Variants in NFATC3 observed in about 807,000 individuals in gnomAD.
NFATC3 encodes the protein nuclear factor of activated T cells 3.
In NFATC3, 46 loss-of-function variants were observed where a neutral mutation model predicts 98.6. That is an observed-to-expected ratio of 0.47 (90% CI 0.37 to 0.60). The LOEUF (loss-of-function observed/expected upper bound fraction) is 0.60. NFATC3 is among the 20% of genes least tolerant of loss of function. NFATC3 has a pLI of 0.00. For synonymous variants in NFATC3, 512 were observed against 472.2 expected, an observed-to-expected ratio of 1.08 and a Z score of -1.09; for missense variants, 1,256 against 1,295.5, an observed-to-expected ratio of 0.97 and a Z score of 0.47.
chr16:68,156,829 C>T (rs2038643587), intron 3 of NFATC3, among the ~76,000 whole-genome samples: 1 of 151,994 alleles, frequency 6.6e-6, no homozygotes, highest in African/African-American at 2.4e-5. Context: ...ATCCCAGCTA[C>T]TCGGGAGGCT....
At chr16:68,224,759 C>G (rs1239892396) in intron 9 of NFATC3, 1 of 151,830 alleles carries the variant, frequency 6.6e-6, no homozygotes, top group Non-Finnish European at 1.5e-5. Flanking sequence ...CTGTGTAAAC[C>G]AGAAAAAGAT....
chr16:68,163,904 C>T (rs919341894), intron 4 of NFATC3, among the ~76,000 whole-genome samples: 13 of 151,246 alleles, frequency 8.6e-5, no homozygotes, highest in Non-Finnish European at 1.8e-4. Flanking sequence ...CAGAGACGCT[C>T]CTCACTTTCC....
At chr16:68,107,549 G>A (rs1454630518) in intron 1 of NFATC3, among the ~76,000 whole-genome samples, 4 of 151,964 alleles carry the variant, frequency 2.6e-5, no homozygotes, top group Admixed American at 2.0e-4. Flanking sequence ...ATGATGAAAC[G>A]TCATCTCTAC....
At chr16:68,214,995 A>G (rs940322612) in intron 9 of NFATC3, among the ~76,000 whole-genome samples, 3 of 152,204 alleles carry the variant, frequency 2.0e-5, no homozygotes, top group African/African-American at 7.2e-5. Flanking sequence ...AGGAGGAACG[A>G]AGCTGTTCCT....
At chr16:68,209,873 A>C (rs1370600131) in intron 9 of NFATC3, 7 of 267,354 alleles carry the variant, frequency 2.6e-5, no homozygotes. Context: ...ACACACTCAC[A>C]GTCACACTCA....
chr16:68,141,124 G>T (rs942515468), intron 3 of NFATC3, among the ~76,000 whole-genome samples: 2 of 152,142 alleles, frequency 1.3e-5, no homozygotes, highest in East Asian at 1.9e-4. Flanking sequence ...CCAAGTTGCT[G>T]CAAAAGACAT....
intron 1 of NFATC3, among the ~76,000 whole-genome samples, chr16:68,090,193 GT>G (rs770085664): frequency 3.2e-4 from 49 of 151,660 alleles, no homozygotes; most frequent in Non-Finnish European, 4.7e-4. Context: ...TTTAGTCAAG[GT>G]TTTTGTTTTA....
chr16:68,159,253 A>G (rs999469212), intron 4 of NFATC3, among the ~76,000 whole-genome samples: 3 of 151,806 alleles, frequency 2.0e-5, no homozygotes, highest in African/African-American at 7.3e-5. Context: ...AAAACAAACA[A>G]AGCAATGTAG....
intron 9 of NFATC3, chr16:68,225,634 A>G (rs2042014428): frequency 6.6e-6 from 1 of 152,244 alleles, no homozygotes; most frequent in Non-Finnish European, 1.5e-5. Context: ...TCATGTGGAC[A>G]TATGTTTTCA....
In NFATC3 at chr16:68,226,551, A is replaced by C. The variant is rs1447439347; in HGVS notation, c.*80A>C. 3 of 1,417,508 alleles carry C rather than the reference A, an allele frequency of 2.1e-6. No homozygotes were observed. In the African/African-American group the frequency reaches 4.5e-5, roughly 21 times the overall value. The allele number at this position is 1,417,508 out of a possible 1,614,324, so 87.8% of individuals were successfully genotyped here. On this transcript the variant is annotated 3_prime_UTR_variant, in exon 10 of 10. Coordinates refer to ENST00000346183, the MANE Select transcript of NFATC3 (RefSeq NM_173165.3). ...TTGGACCTTGGGTTTCCAACTCTGC[A>C]GCCTTCAGGTCTGGGGCCAGGAGTG...
intron 3 of NFATC3, among the ~76,000 whole-genome samples, chr16:68,140,760 T>A (rs192792904): frequency 4.9e-4 from 74 of 152,292 alleles, no homozygotes; most frequent in African/African-American, 1.7e-3. Flanking sequence ...TAGAAGCCCA[T>A]AAGACAGAGA....
intron 5 of NFATC3, among the ~76,000 whole-genome samples, chr16:68,173,359 G>C (rs2039552269): frequency 6.6e-6 from 1 of 152,086 alleles, no homozygotes; most frequent in Admixed American, 6.6e-5. Context: ...CTGAAGTCTG[G>C]AGTTTGAGAA....
chr16:68,221,938 A>G (rs1409324024), intron 9 of NFATC3, among the ~76,000 whole-genome samples: 2 of 152,124 alleles, frequency 1.3e-5, no homozygotes, highest in Non-Finnish European at 2.9e-5. Context: ...GGACAGTGCC[A>G]GATATGGACC....
intron 9 of NFATC3, chr16:68,217,727 G>A: frequency 3.2e-6 from 4 of 1,231,626 alleles, no homozygotes; most frequent in Non-Finnish European, 4.0e-6. Flanking sequence ...TCAAAGCAGA[G>A]AAACCACTTA....
At chr16:68,087,359 C>G (rs1294798310) in intron 1 of NFATC3, among the ~76,000 whole-genome samples, 2 of 152,022 alleles carry the variant, frequency 1.3e-5, no homozygotes, top group Non-Finnish European at 2.9e-5. Flanking sequence ...AATAACATTT[C>G]AAAGCTATGA....
intron 7 of NFATC3, among the ~76,000 whole-genome samples, chr16:68,182,621 A>G (rs2039996916): frequency 6.6e-6 from 1 of 151,794 alleles, no homozygotes; most frequent in African/African-American, 2.4e-5. Context: ...CCCGGGTTCA[A>G]GCGATTCTCC....
At chr16:68,114,197 G>A (rs753423233) in intron 1 of NFATC3, among the ~76,000 whole-genome samples, 2 of 152,168 alleles carry the variant, frequency 1.3e-5, no homozygotes, top group Admixed American at 1.3e-4. Context: ...GTGGGAGTTC[G>A]CCTTTGTGGC....
At position 68,123,272 on chromosome 16, in the gene NFATC3, G is replaced by A. The variant is rs1598401803; in HGVS notation, c.1238+151G>A. The A allele has an allele frequency of 5.6e-6, 4 of 715,108 alleles. No individual in the cohort carries two copies. The African/African-American group carries it at 7.3e-5, about 13-fold the overall frequency. The allele number at this position is 715,108 out of a possible 1,614,324, so 44.3% of individuals were successfully genotyped here. ...AAAAAATTTTACCAAATAACTTAAT[G>A]TTTATTTTCATTTGCATCTTAAAAG... On this transcript the variant is annotated intron_variant, in intron 2 of 9. Transcript: ENST00000346183.
At chr16:68,128,274 T>C (rs936148388) in intron 3 of NFATC3, among the ~76,000 whole-genome samples, 1 of 152,176 alleles carries the variant, frequency 6.6e-6, no homozygotes, top group African/African-American at 2.4e-5. Flanking sequence ...TATCTGATCA[T>C]GTTTTATAGT....
Sources: allele counts gnomAD v4.1 joint callset (sites outside exome capture counted in the v4.1 genomes callset), GRCh38; gene constraint gnomAD v4.1.1; transcripts MANE v1.5; gene names NCBI Gene and HGNC (gene_info 2026-07-23, HGNC 2026-07-21).